Variants in BABAM2 observed in about 807,000 individuals in gnomAD.
BABAM2 encodes BRISC and BRCA1 A complex member 2, also known as BRISC and BRCA1-A complex member 2.
BABAM2 carries 31 observed loss-of-function variants against 54.7 expected under a neutral mutation model. The ratio of observed to expected loss-of-function variants is 0.57; its 90% CI spans 0.43 to 0.77. The LOEUF (loss-of-function observed/expected upper bound fraction) is 0.77, where lower values mean the gene tolerates loss of function less well. BABAM2 is among the 30% of genes least tolerant of loss of function. The pLI, the probability that BABAM2 is intolerant of heterozygous loss-of-function variation, is 0.00. For missense variants in BABAM2, 364 were observed against 455.8 expected (o/e 0.80, Z 1.83); for synonymous variants, 167 against 162.9 (o/e 1.03, Z -0.19).
intron 10 of BABAM2, among the ~76,000 whole-genome samples, chr2:28,290,674 A>G (rs1463976989): frequency 6.6e-6 from 1 of 152,128 alleles, no homozygotes; most frequent in Non-Finnish European, 1.5e-5. Context: ...CTACCTGGGG[A>G]GGCGAATTAA....
At position 28,108,918 on chromosome 2, in the gene BABAM2, A is replaced by G. The variant is rs895420035; in HGVS notation, c.571-20353A>G. Among the ~76,000 whole-genome samples, 11 of 152,146 alleles carry G rather than the reference A, an allele frequency of 7.2e-5. No homozygotes were observed. The East Asian group carries it at 2.1e-3, about 29-fold the overall frequency. On this transcript the variant is annotated intron_variant, in intron 6 of 11. Coordinates refer to ENST00000379624, the MANE Select transcript of BABAM2 (RefSeq NM_199191.3). Reference sequence around the variant, plus strand: ...CTAATTAGCTCTACATATTGGACAGATAACTTCCGTTATCTCAGTTCTGGA... The same window carrying G: ...CTAATTAGCTCTACATATTGGACAGGTAACTTCCGTTATCTCAGTTCTGGA...
At chr2:28,199,440 A>G (rs1480198637) in intron 7 of BABAM2, among the ~76,000 whole-genome samples, 1 of 152,248 alleles carries the variant, frequency 6.6e-6, no homozygotes, top group Non-Finnish European at 1.5e-5. Flanking sequence ...TTAAAAATTC[A>G]TAAATGACTT....
chr2:27,964,289 C>A (rs538001819), intron 3 of BABAM2, among the ~76,000 whole-genome samples: 2 of 152,322 alleles, frequency 1.3e-5, no homozygotes, highest in East Asian at 3.9e-4. Flanking sequence ...TTGAACTTCC[C>A]AGCCTGTGGA....
chr2:28,148,734 C>T (rs757993155), intron 7 of BABAM2, among the ~76,000 whole-genome samples: 1 of 152,202 alleles, frequency 6.6e-6, no homozygotes, highest in Non-Finnish European at 1.5e-5. Flanking sequence ...AAGAGCTGTA[C>T]TGTCACTCAC....
intron 6 of BABAM2, among the ~76,000 whole-genome samples, chr2:28,069,647 A>T (rs1663943436): frequency 6.6e-6 from 1 of 152,226 alleles, no homozygotes; most frequent in African/African-American, 2.4e-5. Context: ...CAAGCAGTGG[A>T]TAAATGCAGA....
At chr2:28,293,712 G>T (rs369070501) in intron 10 of BABAM2, among the ~76,000 whole-genome samples, 1 of 152,184 alleles carries the variant, frequency 6.6e-6, no homozygotes, top group African/African-American at 2.4e-5. Flanking sequence ...AGTTCTTGAA[G>T]AATGCTTCAG....
At chr2:28,213,777 T>C (rs535630782) in intron 7 of BABAM2, among the ~76,000 whole-genome samples, 83 of 152,108 alleles carry the variant, frequency 5.5e-4, no homozygotes, top group Non-Finnish European at 1.0e-3. Context: ...TGTTTCTTTC[T>C]TCCTTTACTG....
intron 11 of BABAM2, among the ~76,000 whole-genome samples, chr2:28,318,369 G>C (rs1489818569): frequency 6.6e-6 from 1 of 152,212 alleles, no homozygotes; most frequent in Non-Finnish European, 1.5e-5. Context: ...ATGTATGGCT[G>C]TTATCACTCC....
chr2:28,317,866 T>A (rs1689700001), intron 11 of BABAM2, among the ~76,000 whole-genome samples: 1 of 152,204 alleles, frequency 6.6e-6, no homozygotes, highest in Admixed American at 6.5e-5. Flanking sequence ...TGTGCCTGAG[T>A]CTAACTGATG....
intron 2 of BABAM2, among the ~76,000 whole-genome samples, chr2:27,920,257 T>A (rs1667255239): frequency 6.6e-6 from 1 of 152,166 alleles, no homozygotes; most frequent in Non-Finnish European, 1.5e-5. Context: ...GTCTGGCCAG[T>A]CAGATGGGGT....
intron 7 of BABAM2, among the ~76,000 whole-genome samples, chr2:28,204,773 C>T (rs1678653872): frequency 6.6e-6 from 1 of 152,092 alleles, no homozygotes; most frequent in Non-Finnish European, 1.5e-5. Context: ...ATGCATCAAC[C>T]TTATCAGGTA....
At chr2:28,149,921 G>A (rs972397327) in intron 7 of BABAM2, among the ~76,000 whole-genome samples, 3 of 152,062 alleles carry the variant, frequency 2.0e-5, no homozygotes, top group Admixed American at 6.5e-5. Context: ...ATGCCTCCAG[G>A]TATTCATCTT....
At chr2:27,939,162 A>G (rs1322436887) in intron 3 of BABAM2, among the ~76,000 whole-genome samples, 1 of 152,164 alleles carries the variant, frequency 6.6e-6, no homozygotes, top group East Asian at 1.9e-4. Context: ...CATGTTGGCT[A>G]GGATGGTCTC....
intron 10 of BABAM2, among the ~76,000 whole-genome samples, chr2:28,251,619 C>T (rs1683494379): frequency 6.6e-6 from 1 of 152,200 alleles, no homozygotes; most frequent in South Asian, 2.1e-4. Flanking sequence ...TAGCACTCAA[C>T]AAACAAGATG....
intron 3 of BABAM2, among the ~76,000 whole-genome samples, chr2:27,936,990 T>G (rs1668534977): frequency 2.0e-5 from 3 of 152,104 alleles, no homozygotes. Flanking sequence ...TCAGGTATTA[T>G]CATTTTATTT....
intron 5 of BABAM2, among the ~76,000 whole-genome samples, chr2:28,026,843 A>AATATATATTTATATATTTATAT (rs1675762163): frequency 2.5e-5 from 1 of 40,650 alleles, no homozygotes; most frequent in Non-Finnish European, 4.7e-5. Context: ...AATATATATA[A>AATATATATTTATATATTTATAT]ATATATATTT....
At chr2:28,011,150 A>G (rs1674364189) in intron 4 of BABAM2, among the ~76,000 whole-genome samples, 1 of 152,226 alleles carries the variant, frequency 6.6e-6, no homozygotes, top group African/African-American at 2.4e-5. Flanking sequence ...TGGTGTTATC[A>G]GCAAGAGGGG....
chr2:28,057,200 G>T (rs544723741), intron 6 of BABAM2, among the ~76,000 whole-genome samples: 1 of 152,272 alleles, frequency 6.6e-6, no homozygotes, highest in African/African-American at 2.4e-5. Context: ...TCCAGGGAGG[G>T]TTGATCAGGT....
At chr2:28,292,604 C>G (rs1019147219) in intron 10 of BABAM2, among the ~76,000 whole-genome samples, 10 of 152,196 alleles carry the variant, frequency 6.6e-5, no homozygotes, top group Admixed American at 1.3e-4. Flanking sequence ...ACAATGATGA[C>G]AGGCTGACTT....
Sources: allele counts gnomAD v4.1 joint callset (sites outside exome capture counted in the v4.1 genomes callset), GRCh38; gene constraint gnomAD v4.1.1; transcripts MANE v1.5; gene names NCBI Gene and HGNC (gene_info 2026-07-23, HGNC 2026-07-21).